The following ANXA10 variants were observed in gnomAD, a reference collection of about 807,000 sequenced individuals.
ANXA10 encodes the protein annexin A10, also known as annexin 14.
In ANXA10, 49 loss-of-function variants were observed where a neutral mutation model predicts 53.5. The observed-to-expected ratio is 0.92, with a 90% CI of 0.73 to 1.16. ANXA10 has a LOEUF of 1.16. Ranked by LOEUF, ANXA10 falls within the 50% of genes most tolerant of loss-of-function variation. The probability of loss-of-function intolerance (pLI) is 0.00; values close to 1 mark genes in which losing one functional copy is unlikely to be tolerated. For synonymous variants in ANXA10, 131 were observed against 128.9 expected, an observed-to-expected ratio of 1.02 and a Z score of -0.11; for missense variants, 393 against 394.4, an observed-to-expected ratio of 1.00 and a Z score of 0.03.
intron 1 of ANXA10, among the ~76,000 whole-genome samples, chr4:168,118,925 CAG>C (rs1354229191): frequency 1.3e-5 from 2 of 151,976 alleles, no homozygotes; most frequent in Admixed American, 6.6e-5. Flanking sequence ...ATCTGGCTAA[CAG>C]AGAACAATAT....
intron 3 of ANXA10, among the ~76,000 whole-genome samples, chr4:168,153,991 C>T (rs1323024162): frequency 6.6e-6 from 1 of 151,118 alleles, no homozygotes; most frequent in East Asian, 2.0e-4. Context: ...TACACACACA[C>T]ACACACACAC....
At chr4:168,142,538 C>T (rs1731343612) in intron 3 of ANXA10, among the ~76,000 whole-genome samples, 2 of 152,144 alleles carry the variant, frequency 1.3e-5, no homozygotes, top group African/African-American at 4.8e-5. Flanking sequence ...ACTTGGGCTG[C>T]TAATACATCC....
At position 168,187,346 on chromosome 4, in the gene ANXA10, T is replaced by C; in HGVS notation, c.907-20T>C. 1 of 1,496,250 alleles carries C rather than the reference T, an allele frequency of 6.7e-7. No homozygotes were observed. Among genetic ancestry groups the C allele is most frequent in the Non-Finnish European group, 9.2e-7 (1 of 1,090,224 alleles). The allele number at this position is 1,496,250 out of a possible 1,614,324, so 92.7% of individuals were successfully genotyped here. A position where few individuals can be genotyped will look rare whatever the true frequency, so the allele number is the denominator to read the frequency against. On this transcript the variant is annotated intron_variant, in intron 11 of 11. Transcript: ENST00000359299. ...CTATTATGATATTTTATTTCAAATA[T>C]ATTATATTTTTCTTTTCAGAATTTT... is the stretch of plus-strand genomic sequence containing the variant.
In ANXA10 at chr4:168,177,908, C is replaced by A; in HGVS notation, c.553C>A (p.Gln185Lys). The change falls in exon 8 of 12, where the codon CAG (glutamine) becomes AAG (lysine). Residue 185 changes from glutamine (Q) to lysine (K), a missense_variant. Physicochemically the swap from Gln to Lys is moderately conservative, Grantham distance 53 (BLOSUM62 1). Transcript: ENST00000359299. ...QDAMVLWEAC[Q>K]QKTGEHKTML... Reference sequence around the variant, plus strand: ...GTTCCAGGTCCTATGGGAAGCCTGTCAGCAGAAGACGGGGGAGCACAAAAC... The same window carrying A: ...GTTCCAGGTCCTATGGGAAGCCTGTAAGCAGAAGACGGGGGAGCACAAAAC... 1.2e-6 allele frequency: 2 copies of A among 1,614,106 alleles called. No homozygotes were observed. The highest frequency in any genetic ancestry group is 1.7e-6 in the Non-Finnish European group (2 of 1,180,012).
chr4:168,127,994 G>T, intron 1 of ANXA10, 90 bp from the exon 2 acceptor site: 2 of 1,191,528 alleles, frequency 1.7e-6, no homozygotes, highest in African/African-American at 3.0e-5. Flanking sequence ...AAAGTGCAGA[G>T]ATTACAGGTA....
chr4:168,122,210 A>G (rs1269647278), intron 1 of ANXA10, among the ~76,000 whole-genome samples: 2 of 152,156 alleles, frequency 1.3e-5, no homozygotes, highest in African/African-American at 4.8e-5. Flanking sequence ...ATCCATATCC[A>G]TTGAAGTCTC....
chr4:168,143,592 T>G (rs1301968738), intron 3 of ANXA10, among the ~76,000 whole-genome samples: 1 of 152,160 alleles, frequency 6.6e-6, no homozygotes, highest in Non-Finnish European at 1.5e-5. Context: ...TTAAAAACAA[T>G]GCAGTGACAC....
chr4:168,123,311 C>A (rs769933043), intron 1 of ANXA10, among the ~76,000 whole-genome samples: 3 of 151,984 alleles, frequency 2.0e-5, no homozygotes, highest in Non-Finnish European at 4.4e-5. Context: ...TATTTAAAAA[C>A]TATTGCAATA....
chr4:168,155,306 T>A (rs1406537050), intron 3 of ANXA10, among the ~76,000 whole-genome samples: 1 of 129,808 alleles, frequency 7.7e-6, no homozygotes, highest in African/African-American at 2.9e-5. Context: ...TGGCCCTTAG[T>A]AATATATATA....
At chr4:168,170,588 T>C (rs969474129) in intron 6 of ANXA10, among the ~76,000 whole-genome samples, 3 of 152,202 alleles carry the variant, frequency 2.0e-5, no homozygotes, top group African/African-American at 4.8e-5. Flanking sequence ...TTAAGTTTGA[T>C]TTCTAGAATT....
chr4:168,186,135 T>C (rs918028284), intron 11 of ANXA10, among the ~76,000 whole-genome samples: 6 of 152,260 alleles, frequency 3.9e-5, no homozygotes, highest in African/African-American at 1.4e-4. Context: ...ATGTAATTAA[T>C]GTAACTTTGC....
At chr4:168,147,688 C>T (rs1018568800) in intron 3 of ANXA10, among the ~76,000 whole-genome samples, 2 of 152,182 alleles carry the variant, frequency 1.3e-5, no homozygotes, top group South Asian at 4.1e-4. Flanking sequence ...TTGTTCAAAC[C>T]CATCCTTTGA....
chr4:168,181,816 T>G, intron 10 of ANXA10, 75 bp downstream of exon 10: 1 of 1,102,742 alleles, frequency 9.1e-7, no homozygotes. Context: ...TTTACTTCCA[T>G]CATTTAAATG....
At chr4:168,102,000 G>A (rs181986705) in intron 1 of ANXA10, among the ~76,000 whole-genome samples, 2 of 152,184 alleles carry the variant, frequency 1.3e-5, no homozygotes, top group East Asian at 3.9e-4. Flanking sequence ...TTGCTTATTT[G>A]TTTAACCCTA....
intron 9 of ANXA10, among the ~76,000 whole-genome samples, chr4:168,180,585 A>G (rs1732221510): frequency 6.6e-6 from 1 of 152,214 alleles, no homozygotes; most frequent in African/African-American, 2.4e-5. Flanking sequence ...CAAAAACAGC[A>G]AAAGTTCACT....
chr4:168,155,228 A>G (rs190067367), intron 3 of ANXA10, among the ~76,000 whole-genome samples: 3 of 148,026 alleles, frequency 2.0e-5, no homozygotes, highest in South Asian at 2.1e-4. Context: ...TATGAATAAT[A>G]TCTCTAATTT....
intron 2 of ANXA10, among the ~76,000 whole-genome samples, chr4:168,130,846 C>G (rs1460833488): frequency 1.3e-5 from 2 of 151,662 alleles, no homozygotes; most frequent in Non-Finnish European, 2.9e-5. Context: ...CTCTCTCTCT[C>G]TCTGTCTCTG....
At chr4:168,177,293 C>G (rs1043392856) in intron 6 of ANXA10, among the ~76,000 whole-genome samples, 6 of 152,172 alleles carry the variant, frequency 3.9e-5, no homozygotes, top group African/African-American at 1.4e-4. Context: ...AATATTCTCA[C>G]TGCACAAAGT....
At chr4:168,175,138 AC>A (rs1007759655) in intron 6 of ANXA10, among the ~76,000 whole-genome samples, 2 of 152,178 alleles carry the variant, frequency 1.3e-5, no homozygotes, top group African/African-American at 4.8e-5. Flanking sequence ...AGTTCACAAG[AC>A]TGAGGAGTAA....
Sources: gnomAD v4.1 joint callset for allele counts (sites outside exome capture counted in the v4.1 genomes callset) on GRCh38, gnomAD v4.1.1 for gene constraint, MANE v1.5 for transcripts, NCBI Gene and HGNC (gene_info 2026-07-23, HGNC 2026-07-21) for gene names.